The following GOLGA8B variants were observed in gnomAD, a reference collection of about 807,000 sequenced individuals.
The protein encoded by GOLGA8B is golgin A8 family member B.
GOLGA8B carries 1 observed loss-of-function variant against 15.6 expected under a neutral mutation model. The ratio of observed to expected loss-of-function variants is 0.06; its 90% confidence interval spans 0.02 to 0.30. GOLGA8B has a LOEUF of 0.30. Ranked by LOEUF, GOLGA8B falls within the 10% of genes least tolerant of loss-of-function variation. GOLGA8B has a pLI of 1.00. For synonymous variants in GOLGA8B, 9 were observed against 80.3 expected (o/e 0.11, Z 4.75); for missense variants, 17 against 201.3 (o/e 0.08, Z 5.54).
chr15:34,558,776 CTCA>C (rs1393245716), intron 1 of GOLGA8B, among the ~76,000 whole-genome samples: 8 of 84,334 alleles, frequency 9.5e-5, no homozygotes, highest in Non-Finnish European at 1.5e-4. Context: ...TTACCCTCGT[CTCA>C]TCAGCCTCTG....
At chr15:34,582,335 G>A (rs1889261094) in intron 1 of GOLGA8B, among the ~76,000 whole-genome samples, 2 of 152,214 alleles carry the variant, frequency 1.3e-5, no homozygotes, top group South Asian at 2.1e-4. Context: ...AACCTGCAAA[G>A]CTCTCAGATC....
intron 1 of GOLGA8B, among the ~76,000 whole-genome samples, chr15:34,575,923 G>A (rs74351964): frequency 0.037 from 5,165 of 138,938 alleles, no homozygotes; most frequent in South Asian, 0.12. Flanking sequence ...CCTACTGAGT[G>A]CATGGGTGGA....
chr15:34,557,672 G>GTGTGTC (rs1888528004), intron 1 of GOLGA8B, among the ~76,000 whole-genome samples: 2 of 108,490 alleles, frequency 1.8e-5, no homozygotes, highest in African/African-American at 6.7e-5. Context: ...GTGTGTGTGT[G>GTGTGTC]TGTGTGTGTG....
chr15:34,525,597 T>C lies in GOLGA8B; in HGVS notation c.*2035A>G, dbSNP rs1473011415. ...TATTTATATTATTTTAAAATGACTC[T>C]TTAGGATACAGTTTTAAACCCACGG... is the stretch of plus-strand genomic sequence containing the variant. On this transcript the variant is annotated 3_prime_UTR_variant, in exon 24 of 24. Transcript: ENST00000683415. The C allele has an allele frequency of 6.7e-6, 1 of 150,090 alleles. No individual in the cohort carries two copies. The highest frequency in any genetic ancestry group is 2.0e-4 in the East Asian group (1 of 5,120). 9.3% of individuals were successfully genotyped at this position (150,090 alleles called of 1,614,324 possible).
intron 1 of GOLGA8B, among the ~76,000 whole-genome samples, chr15:34,580,152 G>A (rs2140358092): frequency 6.6e-6 from 1 of 152,276 alleles, no homozygotes; most frequent in East Asian, 1.9e-4. Context: ...AGACGAAAGA[G>A]CCTACATTCA....
intron 4 of GOLGA8B, 38 bp from the exon 5 acceptor site, chr15:34,547,020 G>C (rs1180087710): frequency 5.8e-5 from 6 of 102,632 alleles, no homozygotes; most frequent in East Asian, 6.2e-4. Context: ...TGACATTAGG[G>C]TCATATCAAG....
At chr15:34,557,213 G>A (rs1888514410) in intron 1 of GOLGA8B, among the ~76,000 whole-genome samples, 1 of 110,838 alleles carries the variant, frequency 9.0e-6, no homozygotes, top group South Asian at 3.1e-4. Context: ...AAAGACGTGG[G>A]GGTGCTGGTG....
chr15:34,579,706 G>T (rs1162912657), intron 1 of GOLGA8B, among the ~76,000 whole-genome samples: 1 of 152,164 alleles, frequency 6.6e-6, no homozygotes, highest in Non-Finnish European at 1.5e-5. Flanking sequence ...ACACAGCTGG[G>T]TTCCAGCTCT....
intron 1 of GOLGA8B, among the ~76,000 whole-genome samples, chr15:34,573,399 G>T (rs1808497): frequency 0.37 from 55,241 of 150,846 alleles, 10,493 homozygotes; most frequent in Admixed American, 0.46. Flanking sequence ...TAGCCGGGAG[G>T]GGTGGCGGGC....
rs1017539545 is a variant in GOLGA8B at position 34,566,326 on chromosome 15, T to C, written c.-1122-12370A>G. The C allele has an allele frequency of 4.2e-5, 6 of 142,904 alleles. 1 individual carries two copies. The highest frequency in any genetic ancestry group is 4.3e-4 in the South Asian group (2 of 4,644). 8.9% of individuals were successfully genotyped at this position (142,904 alleles called of 1,614,324 possible). A position where few individuals can be genotyped will look rare whatever the true frequency, so the allele number is the denominator to read the frequency against. On this transcript the variant is annotated intron_variant, in intron 1 of 23. Transcript: ENST00000683415. The stretch of plus-strand genomic sequence containing the variant: ...ATCATACACGTAGAAGTATTTCAGA[T>C]GGTAAATTTCATCTTTTGTGTATTT...
At chr15:34,572,762 C>T (rs1442740282) in intron 1 of GOLGA8B, among the ~76,000 whole-genome samples, 1 of 152,184 alleles carries the variant, frequency 6.6e-6, no homozygotes, top group Non-Finnish European at 1.5e-5. Flanking sequence ...ATAATTAGTA[C>T]ATCTGAATTT....
chr15:34,556,973 AC>A (rs1411147073), intron 1 of GOLGA8B, among the ~76,000 whole-genome samples: 1 of 148,202 alleles, frequency 6.7e-6, no homozygotes, highest in Non-Finnish European at 1.5e-5. Context: ...CAGTTGGGAG[AC>A]ATGTTGCGTG....
chr15:34,567,442 C>A (rs1888794969), intron 1 of GOLGA8B, among the ~76,000 whole-genome samples: 1 of 151,774 alleles, frequency 6.6e-6, no homozygotes, highest in South Asian at 2.1e-4. Flanking sequence ...CCCAGGCCAC[C>A]ACGGGGGCAG....
intron 1 of GOLGA8B, 112 bp downstream of exon 1, chr15:34,583,404 C>T (rs1468982439): frequency 6.6e-6 from 1 of 151,758 alleles, no homozygotes; most frequent in Non-Finnish European, 1.5e-5. Flanking sequence ...CTCGGGAGCT[C>T]TTGGCCTGCA....
At chr15:34,554,255 C>T (rs1057292267) in intron 1 of GOLGA8B, among the ~76,000 whole-genome samples, 4 of 152,276 alleles carry the variant, frequency 2.6e-5, no homozygotes, top group Non-Finnish European at 4.4e-5. Flanking sequence ...GGCCTGGCCA[C>T]TCTCACCCTG....
At chr15:34,575,078 T>C (rs1055573476) in intron 1 of GOLGA8B, among the ~76,000 whole-genome samples, 4 of 149,104 alleles carry the variant, frequency 2.7e-5, no homozygotes, top group African/African-American at 9.9e-5. Flanking sequence ...ACAGGGGCAA[T>C]TTAATCTAGA....
intron 1 of GOLGA8B, among the ~76,000 whole-genome samples, chr15:34,582,121 A>G (rs1322591234): frequency 6.6e-6 from 1 of 152,140 alleles, no homozygotes; most frequent in Non-Finnish European, 1.5e-5. Flanking sequence ...TCACCCAGGA[A>G]TCAGCGCAGA....
At chr15:34,579,992 C>T (rs1889187327) in intron 1 of GOLGA8B, among the ~76,000 whole-genome samples, 2 of 152,036 alleles carry the variant, frequency 1.3e-5, no homozygotes, top group African/African-American at 2.4e-5. Context: ...GGAAGTAACG[C>T]TAATTTATGC....
chr15:34,578,563 G>A (rs1889143859), intron 1 of GOLGA8B, among the ~76,000 whole-genome samples: 1 of 152,198 alleles, frequency 6.6e-6, no homozygotes, highest in Non-Finnish European at 1.5e-5. Flanking sequence ...AGTGCTCTTA[G>A]GCAACCCATA....
Sources: gnomAD v4.1 joint callset for allele counts (sites outside exome capture counted in the v4.1 genomes callset) on GRCh38, gnomAD v4.1.1 for gene constraint, MANE v1.5 for transcripts, NCBI Gene and HGNC (gene_info 2026-07-23, HGNC 2026-07-21) for gene names.